APBB2: variants seen among roughly 807,000 people sequenced by gnomAD.
APBB2 encodes the protein Fe65-like 1.
A neutral mutation model predicts 82.5 loss-of-function variants in APBB2; 38 were observed. That is an observed-to-expected ratio of 0.46 (90% CI 0.36 to 0.60). APBB2 has a LOEUF of 0.60. APBB2 is among the 20% of genes least tolerant of loss of function. APBB2 has a pLI of 0.00. For missense variants in APBB2, 772 were observed against 972.3 expected (o/e 0.79, Z 2.74); for synonymous variants, 341 against 368.2 (o/e 0.93, Z 0.85).
chr4:40,832,013 T>TATACACACACACAC lies in APBB2; in HGVS notation c.1530-1437_1530-1436insGTGTGTGTGTGTAT, dbSNP rs777910826. 0.041 allele frequency among the ~76,000 whole-genome samples: 5,701 copies of TATACACACACACAC among 138,878 alleles called. 191 individuals carry two copies. Among genetic ancestry groups the TATACACACACACAC allele is most frequent in the Admixed American group, 0.075 (1,026 of 13,658 alleles). The allele number at this position is 138,878 out of a possible 152,430, so 91.1% of individuals were successfully genotyped here. On this transcript the variant is annotated intron_variant, in intron 12 of 17. Coordinates refer to ENST00000508593, the MANE Select transcript of APBB2 (RefSeq NM_004307.2). The surrounding 1 kb of genome is among the most constrained non-coding windows in gnomAD (Gnocchi z 4.8). ...ACACATATTTATATATTTATTTATA[T>TATACACACACACAC]ACACACACACACACACACACACACA...
chr4:40,929,049 T>C (rs1056269905), intron 10 of APBB2, among the ~76,000 whole-genome samples: 1 of 151,388 alleles, frequency 6.6e-6, no homozygotes, highest in African/African-American at 2.4e-5. Context: ...ATACAGTGTT[T>C]ATTAATAATT....
intron 4 of APBB2, among the ~76,000 whole-genome samples, chr4:41,035,985 C>T (rs995449811): frequency 3.3e-5 from 5 of 151,866 alleles, no homozygotes; most frequent in African/African-American, 1.2e-4. Flanking sequence ...ACAGCGAGAC[C>T]CTATCTCTAC....
chr4:41,074,357 C>T (rs2153908336), intron 3 of APBB2, among the ~76,000 whole-genome samples: 1 of 152,242 alleles, frequency 6.6e-6, no homozygotes, highest in South Asian at 2.1e-4. Flanking sequence ...GAAAGAGCAT[C>T]TATTTTTGGT....
intron 12 of APBB2, among the ~76,000 whole-genome samples, chr4:40,871,938 T>C (rs943521527): frequency 2.6e-5 from 4 of 152,186 alleles, no homozygotes; most frequent in African/African-American, 9.7e-5. Context: ...TGAAGAGATC[T>C]AGTACAATGA....
intron 10 of APBB2, among the ~76,000 whole-genome samples, chr4:40,900,895 G>A (rs1578288947): frequency 1.3e-5 from 2 of 152,140 alleles, no homozygotes; most frequent in East Asian, 3.9e-4. Context: ...AGGCACCAGA[G>A]ACTTATTATC....
At chr4:40,989,699 C>T (rs111429495) in intron 6 of APBB2, among the ~76,000 whole-genome samples, 1 of 152,304 alleles carries the variant, frequency 6.6e-6, no homozygotes, top group African/African-American at 2.4e-5. Flanking sequence ...CAGCCCCCTA[C>T]TGAGTCCAGG....
intron 2 of APBB2, among the ~76,000 whole-genome samples, chr4:41,119,475 C>A (rs192212784): frequency 4.6e-4 from 69 of 150,742 alleles, no homozygotes; most frequent in Non-Finnish European, 6.9e-4. Flanking sequence ...ACCTCCTACT[C>A]CTCTAACAAG....
intron 3 of APBB2, among the ~76,000 whole-genome samples, chr4:41,067,192 C>T (rs530490404): frequency 4.7e-4 from 71 of 152,232 alleles, no homozygotes; most frequent in African/African-American, 1.7e-3. Context: ...GGCGGATCAC[C>T]TGAGGTCGGG....
At chr4:40,876,386 T>C (rs1454772194) in intron 12 of APBB2, among the ~76,000 whole-genome samples, 1 of 152,232 alleles carries the variant, frequency 6.6e-6, no homozygotes, top group Non-Finnish European at 1.5e-5. Context: ...AGGTAATCAC[T>C]GAACTGCCTT....
At chr4:41,130,953 A>G (rs1755797842) in intron 2 of APBB2, among the ~76,000 whole-genome samples, 1 of 152,086 alleles carries the variant, frequency 6.6e-6, no homozygotes, top group Non-Finnish European at 1.5e-5. Flanking sequence ...CCACATCATA[A>G]GGGCCCAACT....
intron 1 of APBB2, among the ~76,000 whole-genome samples, chr4:41,213,811 C>A (rs1302444417): frequency 6.6e-6 from 1 of 152,308 alleles, no homozygotes; most frequent in African/African-American, 2.4e-5. Flanking sequence ...GGAAAAGGAA[C>A]TTTTCCCCCC....
rs749877560 is a variant in APBB2 at position 40,830,525 on chromosome 4, C to G, written c.1582G>C (p.Val528Leu). Residue 528 changes from valine (V) to leucine (L), a missense_variant, in exon 13 of 18, where the codon GTA (valine) becomes CTA (leucine). Physicochemically the swap from Val to Leu is conservative, Grantham distance 32. Transcript: ENST00000508593. ...TTTGCTGGTGTGTCACATCGAAATA[C>G]ATGACATTTCAAAATTCTTGTATCT... is the stretch of plus-strand genomic sequence containing the variant. ...DKDTRILKCHVFRCDTPAKAI... is the reference protein window; with the variant it reads ...DKDTRILKCHLFRCDTPAKAI... 6.2e-7 allele frequency: 1 copy of G among 1,614,132 alleles called. No individual in the cohort carries two copies. Among genetic ancestry groups the G allele is most frequent in the East Asian group, 2.2e-5 (1 of 44,886 alleles).
chr4:40,955,323 A>G (rs1791322155), intron 6 of APBB2, among the ~76,000 whole-genome samples: 1 of 152,228 alleles, frequency 6.6e-6, no homozygotes, highest in Non-Finnish European at 1.5e-5. Flanking sequence ...AAAAGACTGT[A>G]TGTCATTACA....
At chr4:40,985,321 C>A (rs1579001500) in intron 6 of APBB2, among the ~76,000 whole-genome samples, 1 of 152,106 alleles carries the variant, frequency 6.6e-6, no homozygotes, top group East Asian at 1.9e-4. Context: ...AAATTTCAAT[C>A]TATCTATTTA....
chr4:41,127,534 C>T lies in APBB2; in HGVS notation c.-261+15453G>A, dbSNP rs1754738354. The stretch of plus-strand genomic sequence containing the variant: ...AAACTGGGTTCAGCAAATGATAACA[C>T]TATCGGAGATTAAGATTTCTATTCA... On this transcript the variant is annotated intron_variant, in intron 2 of 17. Coordinates refer to ENST00000508593, the MANE Select transcript of APBB2 (RefSeq NM_004307.2). This position sits in a 1 kb window ranked among gnomAD's most constrained non-coding sequence, Gnocchi z 4.8. 6.6e-6 allele frequency among the ~76,000 whole-genome samples: 1 copy of T among 152,150 alleles called. No individual in the cohort carries two copies. Among genetic ancestry groups the T allele is most frequent in the Non-Finnish European group, 1.5e-5 (1 of 68,036 alleles).
At chr4:41,012,592 A>C (rs1808699925) in intron 6 of APBB2, among the ~76,000 whole-genome samples, 1 of 152,064 alleles carries the variant, frequency 6.6e-6, no homozygotes, top group African/African-American at 2.4e-5. Flanking sequence ...TAAACAAGTT[A>C]ATGTCTTAAC....
At chr4:41,091,063 T>C (rs1741516146) in intron 3 of APBB2, among the ~76,000 whole-genome samples, 1 of 152,182 alleles carries the variant, frequency 6.6e-6, no homozygotes. Flanking sequence ...GCTTATTTTA[T>C]TGTCACCCTC....
At chr4:41,191,068 T>C (rs1774298545) in intron 1 of APBB2, among the ~76,000 whole-genome samples, 1 of 152,124 alleles carries the variant, frequency 6.6e-6, no homozygotes, top group Admixed American at 6.5e-5. Flanking sequence ...CGGAGTCAGG[T>C]CACACCCAAG....
chr4:40,838,136 C>CTTTATT (rs1366424575), intron 12 of APBB2, among the ~76,000 whole-genome samples: 74 of 142,194 alleles, frequency 5.2e-4, no homozygotes, highest in African/African-American at 1.8e-3. Flanking sequence ...TTCAAGTGGG[C>CTTTATT]ATTATTATTA....
Sources: gnomAD v4.1 joint callset for allele counts (sites outside exome capture counted in the v4.1 genomes callset) on GRCh38, gnomAD v4.1.1 for gene constraint, Gnocchi (gnomAD v3.1) non-coding constraint, MANE v1.5 for transcripts, NCBI Gene and HGNC (gene_info 2026-07-23, HGNC 2026-07-21) for gene names.